The following PPIP5K2 variants were observed in gnomAD, a reference collection of about 807,000 sequenced individuals.
The protein encoded by PPIP5K2 is inositol hexakisphosphate and diphosphoinositol-pentakisphosphate kinase 2.
A neutral mutation model predicts 154.6 loss-of-function variants in PPIP5K2; 105 were observed. That is an observed-to-expected ratio of 0.68 (90% CI 0.58 to 0.80). The LOEUF (loss-of-function observed/expected upper bound fraction) is 0.80. Among genes scored for constraint, PPIP5K2 ranks in the 30% least tolerant of loss-of-function variants. PPIP5K2 has a pLI of 0.00. For synonymous variants in PPIP5K2, 480 were observed against 490.3 expected (o/e 0.98, Z 0.28); for missense variants, 992 against 1,504.6 (o/e 0.66, Z 5.64).
At chr5:103,179,438 G>C (rs1799177160) in intron 23 of PPIP5K2, among the ~76,000 whole-genome samples, 1 of 152,052 alleles carries the variant, frequency 6.6e-6, no homozygotes, top group African/African-American at 2.4e-5. Context: ...CTCCCATACT[G>C]TGTTGGAGGA....
At chr5:103,147,324 G>A (rs1174091551) in intron 6 of PPIP5K2, among the ~76,000 whole-genome samples, 2 of 151,868 alleles carry the variant, frequency 1.3e-5, no homozygotes, top group Non-Finnish European at 2.9e-5. Context: ...ATATTAAGAA[G>A]CCTAACAATA....
chr5:103,175,361 T>A (rs370752653), intron 21 of PPIP5K2, among the ~76,000 whole-genome samples: 6 of 152,132 alleles, frequency 3.9e-5, no homozygotes, highest in Admixed American at 2.0e-4. Context: ...AAAAGTGACA[T>A]CCTTACATAA....
chr5:103,153,463 G>A (rs1473638035), intron 10 of PPIP5K2, among the ~76,000 whole-genome samples: 1 of 151,714 alleles, frequency 6.6e-6, no homozygotes, highest in African/African-American at 2.4e-5. Flanking sequence ...TATAAATATA[G>A]CAACCATCAT....
intron 17 of PPIP5K2, among the ~76,000 whole-genome samples, chr5:103,161,126 C>T (rs1554215601): frequency 9.6e-6 from 1 of 103,986 alleles, no homozygotes; most frequent in South Asian, 3.4e-4. Flanking sequence ...ACCCCCACAA[C>T]AGGCCCCAGT....
At chr5:103,125,442 C>T (rs1261179273) in intron 1 of PPIP5K2, among the ~76,000 whole-genome samples, 1 of 148,782 alleles carries the variant, frequency 6.7e-6, no homozygotes, top group Non-Finnish European at 1.5e-5. Flanking sequence ...ATGCTCTTAA[C>T]CACTAGCCTG....
chr5:103,165,803 G>A (rs1554217654), intron 17 of PPIP5K2, among the ~76,000 whole-genome samples: 1 of 152,070 alleles, frequency 6.6e-6, no homozygotes, highest in African/African-American at 2.4e-5. Context: ...AATTAATCTT[G>A]TTCATGCCCT....
rs782232685 is a variant in PPIP5K2 at position 103,148,120 on chromosome 5, C to T, written c.744+88C>T. The stretch of plus-strand genomic sequence containing the variant: ...GTAGTTAATCTTTAGCTATATCTAA[C>T]CTTTATTCTGGATCTCTTTCTTTTT... On this transcript the variant is annotated intron_variant, in intron 7 of 30. Coordinates refer to ENST00000358359, the MANE Select transcript of PPIP5K2 (RefSeq NM_001276277.3). The T allele has an allele frequency of 6.2e-5, 57 of 919,046 alleles. 1 individual carries two copies. The East Asian group carries it at 1.2e-3, about 19-fold the overall frequency. The allele number at this position is 919,046 out of a possible 1,614,324, so 56.9% of individuals were successfully genotyped here.
In PPIP5K2 at chr5:103,175,251, G is replaced by T. The variant is rs553556629; in HGVS notation, c.2529+1279G>T. Among the ~76,000 whole-genome samples, 6 of 152,160 alleles carry T rather than the reference G, an allele frequency of 3.9e-5. 1 individual carries two copies. The South Asian group carries it at 1.2e-3, about 32-fold the overall frequency. On this transcript the variant is annotated intron_variant, in intron 21 of 30. Coordinates refer to ENST00000358359, the MANE Select transcript of PPIP5K2 (RefSeq NM_001276277.3). Reference sequence around the variant, plus strand: ...CCTTGAGAGTAATTATTATCAAAGTGATCCTAAGGGTGTTTCAAAGTTCTG... The same window carrying T: ...CCTTGAGAGTAATTATTATCAAAGTTATCCTAAGGGTGTTTCAAAGTTCTG...
chr5:103,153,939 G>A lies in PPIP5K2; in HGVS notation c.1217+5G>A. ...AATGGAAGTGAGACATCAGAAGTAT[G>A]TTTTCAGATGAATAATTTAACATGC... is the stretch of plus-strand genomic sequence containing the variant. On this transcript the variant is annotated splice_donor_5th_base_variant and intron_variant, in intron 11 of 30. Transcript: ENST00000358359. The A allele has an allele frequency of 6.4e-7, 1 of 1,570,860 alleles. No individual in the cohort carries two copies. Among genetic ancestry groups the A allele is most frequent in the South Asian group, 1.2e-5 (1 of 86,896 alleles).
intron 17 of PPIP5K2, among the ~76,000 whole-genome samples, chr5:103,166,705 T>A (rs1238142003): frequency 6.6e-6 from 1 of 151,982 alleles, no homozygotes; most frequent in African/African-American, 2.4e-5. Context: ...TATGCTCTAG[T>A]CTTACAACAG....
intron 2 of PPIP5K2, among the ~76,000 whole-genome samples, chr5:103,131,476 T>C (rs1790598956): frequency 1.3e-5 from 2 of 152,156 alleles, no homozygotes; most frequent in African/African-American, 4.8e-5. Context: ...ATTGAATCCA[T>C]GGATGTAAAA....
At chr5:103,136,859 A>G (rs782058745) in intron 4 of PPIP5K2, 37 bp downstream of exon 4, 2 of 1,456,934 alleles carry the variant, frequency 1.4e-6, no homozygotes, top group Non-Finnish European at 1.9e-6. Context: ...GGGAAGGAAA[A>G]ATAACATTAA....
intron 2 of PPIP5K2, among the ~76,000 whole-genome samples, chr5:103,131,991 T>A (rs2149465096): frequency 6.6e-6 from 1 of 152,288 alleles, no homozygotes; most frequent in African/African-American, 2.4e-5. Flanking sequence ...CAATGTGAAA[T>A]GTTAGGTTAG....
chr5:103,143,316 G>A lies in PPIP5K2; in HGVS notation c.488-3211G>A, dbSNP rs548193347. On this transcript the variant is annotated intron_variant, in intron 5 of 30. Coordinates refer to ENST00000358359, the MANE Select transcript of PPIP5K2 (RefSeq NM_001276277.3). Reference sequence around the variant, plus strand: ...AGTGATTCTCGCACTTCAGCTTCCTGAGTAGCTGGGACTACAAGCACAAGC... The same window carrying A: ...AGTGATTCTCGCACTTCAGCTTCCTAAGTAGCTGGGACTACAAGCACAAGC... 4.6e-5 allele frequency among the ~76,000 whole-genome samples: 7 copies of A among 152,282 alleles called. No homozygotes were observed. In the South Asian group the frequency reaches 1.5e-3, roughly 32 times the overall value.
chr5:103,142,384 C>T (rs1377296141), intron 5 of PPIP5K2, among the ~76,000 whole-genome samples: 1 of 152,204 alleles, frequency 6.6e-6, no homozygotes, highest in Non-Finnish European at 1.5e-5. Flanking sequence ...CCCGCAAGCA[C>T]CGCCCCGCAG....
Position 103,136,856 on chromosome 5 carries a change from A to G in PPIP5K2, c.401+34A>G, listed in dbSNP as rs74429703. The G allele has an allele frequency of 0.02, 29,964 of 1,477,420 alleles. 1,081 individuals are homozygous for G. The highest frequency in any genetic ancestry group is 0.16 in the African/African-American group (11,750 of 72,172). 91.5% of individuals were successfully genotyped at this position (1,477,420 alleles called of 1,614,324 possible). A position where few individuals can be genotyped will look rare whatever the true frequency, so the allele number is the denominator to read the frequency against. ...TGAAGTTGGCTGAATTAAGGGAAGG[A>G]AAAATAACATTAATTTAGTACCTAC... On this transcript the variant is annotated intron_variant, in intron 4 of 30. Coordinates refer to ENST00000358359, the MANE Select transcript of PPIP5K2 (RefSeq NM_001276277.3).
intron 19 of PPIP5K2, among the ~76,000 whole-genome samples, chr5:103,171,098 A>C (rs1483579129): frequency 1.1e-4 from 16 of 151,440 alleles, no homozygotes; most frequent in African/African-American, 3.9e-4. Flanking sequence ...AATTCCAATC[A>C]TTTCTAGGCT....
At chr5:103,122,629 A>G (rs1788964161) in intron 1 of PPIP5K2, among the ~76,000 whole-genome samples, 1 of 152,148 alleles carries the variant, frequency 6.6e-6, no homozygotes, top group Non-Finnish European at 1.5e-5. Context: ...GGTGGAAAGG[A>G]GACACCATTT....
chr5:103,151,120 T>C, intron 8 of PPIP5K2, 133 bp from the exon 9 acceptor site: 1 of 593,778 alleles, frequency 1.7e-6, no homozygotes, highest in East Asian at 3.2e-5. Flanking sequence ...TCATTTCTTA[T>C]TATGAAGTAA....
Sources: gnomAD v4.1 joint callset for allele counts (sites outside exome capture counted in the v4.1 genomes callset) on GRCh38, gnomAD v4.1.1 for gene constraint, MANE v1.5 for transcripts, NCBI Gene and HGNC (gene_info 2026-07-23, HGNC 2026-07-21) for gene names.